The following PIEZO2 variants were observed in gnomAD, a reference collection of about 807,000 sequenced individuals.
PIEZO2 encodes piezo-type mechanosensitive ion channel component 2.
In PIEZO2, 172 loss-of-function variants were observed where a neutral mutation model predicts 337.3. The ratio of observed to expected loss-of-function variants is 0.51; its 90% CI spans 0.45 to 0.58. The LOEUF is 0.58. PIEZO2 is among the 20% of genes least tolerant of loss of function. The probability of loss-of-function intolerance (pLI) is 0.00; values close to 1 mark genes in which losing one functional copy is unlikely to be tolerated. For synonymous variants in PIEZO2, 1,251 were observed against 1,228.5 expected, an observed-to-expected ratio of 1.02 and a Z score of -0.38; for missense variants, 3,028 against 3,391.3, an observed-to-expected ratio of 0.89 and a Z score of 2.66.
chr18:10,680,082 G>A, intron 52 of PIEZO2, 117 bp downstream of exon 52: 2 of 853,500 alleles, frequency 2.3e-6, no homozygotes, highest in Non-Finnish European at 3.6e-6. Flanking sequence ...TAATGATAAA[G>A]TAAGATCCAC....
Position 11,104,407 on chromosome 18 carries a change from C to G in PIEZO2, c.65-38185G>C, listed in dbSNP as rs1317399925. On this transcript the variant is annotated intron_variant, in intron 1 of 55. Coordinates refer to ENST00000674853, the MANE Select transcript of PIEZO2 (RefSeq NM_001378183.1). The surrounding 1 kb of genome is among the most constrained non-coding windows in gnomAD (Gnocchi z 4.6). ...TTGTGTCTTTTGGATTTAGGAGACA[C>G]CGTGGCCTGGAGTTTTCTCCCAACT... is the stretch of plus-strand genomic sequence containing the variant. Among the ~76,000 whole-genome samples the G allele has an allele frequency of 1.3e-5, 2 of 152,212 alleles. No individual in the cohort carries two copies. The highest frequency in any genetic ancestry group is 3.9e-4 in the East Asian group (2 of 5,186).
At chr18:10,817,662 G>T (rs1425288354) in intron 7 of PIEZO2, among the ~76,000 whole-genome samples, 1 of 152,140 alleles carries the variant, frequency 6.6e-6, no homozygotes, top group African/African-American at 2.4e-5. Context: ...GGTGGCTCAC[G>T]CCTGTAATCC....
At chr18:10,712,614 G>A (rs914061958) in intron 39 of PIEZO2, among the ~76,000 whole-genome samples, 5 of 152,210 alleles carry the variant, frequency 3.3e-5, no homozygotes, top group Non-Finnish European at 7.3e-5. Context: ...GATTGTGGGA[G>A]GTTTTCAGGA....
intron 27 of PIEZO2, among the ~76,000 whole-genome samples, chr18:10,757,234 AG>A (rs1314013148): frequency 5.0e-5 from 7 of 138,736 alleles, no homozygotes; most frequent in African/African-American, 1.9e-4. Context: ...GAGGGAGGAA[AG>A]GGGGATGAGG....
At chr18:10,842,505 C>A (rs886784491) in intron 7 of PIEZO2, among the ~76,000 whole-genome samples, 2 of 152,294 alleles carry the variant, frequency 1.3e-5, no homozygotes, top group Non-Finnish European at 2.9e-5. Context: ...CTGTTGTTTT[C>A]TTGCTTCTTC....
At chr18:10,704,711 T>A (rs2035496075) in intron 41 of PIEZO2, 59 bp from the exon 42 acceptor site, 3 of 1,499,124 alleles carry the variant, frequency 2.0e-6, no homozygotes, top group Non-Finnish European at 2.7e-6. Context: ...TGAGATGGAG[T>A]TTTGCTCTTG....
chr18:10,792,071 C>T (rs2039427053), intron 13 of PIEZO2, among the ~76,000 whole-genome samples: 1 of 152,146 alleles, frequency 6.6e-6, no homozygotes, highest in Admixed American at 6.5e-5. Flanking sequence ...CTCAGCCTCC[C>T]AAGTAGCTGG....
intron 1 of PIEZO2, among the ~76,000 whole-genome samples, chr18:11,098,447 G>T (rs1019827454): frequency 1.2e-4 from 18 of 150,686 alleles, no homozygotes; most frequent in African/African-American, 4.1e-4. Flanking sequence ...ATTAAAAAAT[G>T]TATAAAACAA....
chr18:11,087,892 C>T (rs1251399784), intron 1 of PIEZO2, among the ~76,000 whole-genome samples: 1 of 152,258 alleles, frequency 6.6e-6, no homozygotes, highest in Non-Finnish European at 1.5e-5. Flanking sequence ...ACTTCAGGCA[C>T]AACAGCCTGC....
chr18:10,688,888 C>T (rs1227942441), intron 49 of PIEZO2, among the ~76,000 whole-genome samples: 2 of 152,050 alleles, frequency 1.3e-5, no homozygotes, highest in Admixed American at 1.3e-4. Context: ...TCAGGACAAG[C>T]AAATATGATT....
At chr18:11,139,585 G>C (rs566085782) in intron 1 of PIEZO2, among the ~76,000 whole-genome samples, 1 of 151,980 alleles carries the variant, frequency 6.6e-6, no homozygotes, top group East Asian at 1.9e-4. Flanking sequence ...CTAGACGATG[G>C]GAGCAAATAA....
rs1003623330 is a variant in PIEZO2, at chr18:11,021,720, C to T, written c.161-42060G>A. ...ACCACGTCCCTCCCACCCATGCCTT[C>T]ACAAGTTCATTCTATTCAATGTATG... On this transcript the variant is annotated intron_variant, in intron 2 of 55. Transcript: ENST00000674853. The surrounding 1 kb of genome is among the most constrained non-coding windows in gnomAD (Gnocchi z 4.7). 3.9e-5 allele frequency among the ~76,000 whole-genome samples: 6 copies of T among 152,316 alleles called. No homozygotes were observed. The East Asian group carries it at 1.2e-3, about 29-fold the overall frequency.
Position 10,855,664 on chromosome 18 carries a change from A to G in PIEZO2, c.704-98T>C. ...TTTGAAATTATGTGAATTTCCTTCA[A>G]GTGTTTTTAGGTTTTTTAAAATAGT... is the stretch of plus-strand genomic sequence containing the variant. On this transcript the variant is annotated intron_variant, in intron 6 of 55. Coordinates refer to ENST00000674853, the MANE Select transcript of PIEZO2 (RefSeq NM_001378183.1). The surrounding 1 kb of genome is among the most constrained non-coding windows in gnomAD (Gnocchi z 4.9). 9.9e-7 allele frequency: 1 copy of G among 1,008,920 alleles called. No homozygotes were observed. The highest frequency in any genetic ancestry group is 1.4e-6 in the Non-Finnish European group (1 of 709,636). 62.5% of individuals were successfully genotyped at this position (1,008,920 alleles called of 1,614,324 possible).
At position 10,971,153 on chromosome 18, in the gene PIEZO2, C is replaced by G. The variant is rs575265398; in HGVS notation, c.286+8382G>C. ...GGCAAACAGCAGAGGATAAGGGACT[C>G]AAGAGGCATCTGGGAAAATACTGAT... On this transcript the variant is annotated intron_variant, in intron 3 of 55. Coordinates refer to ENST00000674853, the MANE Select transcript of PIEZO2 (RefSeq NM_001378183.1). 1.1e-4 allele frequency among the ~76,000 whole-genome samples: 16 copies of G among 152,232 alleles called. No individual in the cohort carries two copies. In the South Asian group the frequency reaches 3.1e-3, roughly 30 times the overall value.
intron 4 of PIEZO2, among the ~76,000 whole-genome samples, chr18:10,886,072 T>A (rs1401160986): frequency 6.6e-6 from 1 of 151,578 alleles, no homozygotes; most frequent in Non-Finnish European, 1.5e-5. Flanking sequence ...TGGAGATGGA[T>A]AAAAAGACAA....
Position 10,822,668 on chromosome 18 carries a change from C to T in PIEZO2, c.918-15394G>A, listed in dbSNP as rs147071977. Among the ~76,000 whole-genome samples the T allele has an allele frequency of 5.3e-3, 812 of 152,226 alleles. 11 individuals carry two copies. Among genetic ancestry groups the T allele is most frequent in the Admixed American group, 0.022 (339 of 15,284 alleles). On this transcript the variant is annotated intron_variant, in intron 7 of 55. Coordinates refer to ENST00000674853, the MANE Select transcript of PIEZO2 (RefSeq NM_001378183.1). ...AGGAGTGAACCTGTGGACTAAAGAA[C>T]GGCACAGCAGGAGCCGGCTCACCAC...
At chr18:10,868,028 C>G (rs566519242) in intron 5 of PIEZO2, among the ~76,000 whole-genome samples, 1 of 152,312 alleles carries the variant, frequency 6.6e-6, no homozygotes, top group South Asian at 2.1e-4. Flanking sequence ...TCCACTTCCA[C>G]TGGGGGTTTT....
chr18:10,756,801 A>AATGAGGAGGAGGAATGGGG (rs1267961828), intron 27 of PIEZO2, among the ~76,000 whole-genome samples: 18 of 141,742 alleles, frequency 1.3e-4, no homozygotes. Flanking sequence ...GGGGATGGAG[A>AATGAGGAGGAGGAATGGGG]ATGAGGAGGA....
intron 4 of PIEZO2, among the ~76,000 whole-genome samples, chr18:10,910,506 C>T (rs2030377685): frequency 6.6e-6 from 1 of 151,918 alleles, no homozygotes; most frequent in African/African-American, 2.4e-5. Context: ...TCACTTGAAC[C>T]CAGGAGGCAG....
Sources: allele counts gnomAD v4.1 joint callset (sites outside exome capture counted in the v4.1 genomes callset), GRCh38; gene constraint gnomAD v4.1.1; non-coding constraint Gnocchi (gnomAD v3.1); transcripts MANE v1.5; gene names NCBI Gene and HGNC (gene_info 2026-07-23, HGNC 2026-07-21).